The following USP20 variants were observed in gnomAD, a reference collection of about 807,000 sequenced individuals.
The protein encoded by USP20 is ubiquitin specific peptidase 20, also known as ubiquitin carboxyl-terminal hydrolase 20.
A neutral mutation model predicts 124.2 loss-of-function variants in USP20; 80 were observed. The observed-to-expected ratio is 0.64, with a 90% CI of 0.54 to 0.78. The LOEUF is 0.78. Among genes scored for constraint, USP20 ranks in the 30% least tolerant of loss-of-function variants. The pLI, the probability that USP20 is intolerant of heterozygous loss-of-function variation, is 0.00. For synonymous variants in USP20, 481 were observed against 512.3 expected (o/e 0.94, Z 0.83); for missense variants, 1,043 against 1,244.4 (o/e 0.84, Z 2.44).
At chr9:129,844,001 G>A (rs1192924462) in intron 1 of USP20, among the ~76,000 whole-genome samples, 2 of 152,084 alleles carry the variant, frequency 1.3e-5, no homozygotes, top group Admixed American at 1.3e-4. Flanking sequence ...CAGGGAGGTA[G>A]AGGCTGCAGT....
Position 129,861,623 on chromosome 9 carries a change from A to G in USP20, c.497+11A>G, listed in dbSNP as rs200664921. 4.3e-6 allele frequency: 7 copies of G among 1,613,882 alleles called. No individual in the cohort carries two copies. The highest frequency in any genetic ancestry group is 5.9e-6 in the Non-Finnish European group (7 of 1,179,856). On this transcript the variant is annotated intron_variant, in intron 8 of 25. Transcript: ENST00000372429. ...GGCCCTGTCCAATTGGTAGGTCGAC[A>G]CTTTGTCCGAGGGCCGAGAGCTGTC...
At chr9:129,836,741 A>G (rs996836232) in intron 1 of USP20, among the ~76,000 whole-genome samples, 2 of 152,198 alleles carry the variant, frequency 1.3e-5, no homozygotes, top group African/African-American at 4.8e-5. Context: ...TCTTTGGTCA[A>G]AAGCCATATA....
At chr9:129,861,701 C>T in intron 8 of USP20, 89 bp downstream of exon 8, 2 of 1,229,832 alleles carry the variant, frequency 1.6e-6, no homozygotes, top group East Asian at 2.4e-5. Flanking sequence ...CGGTTGCCCA[C>T]AAACACATGT....
intron 10 of USP20, among the ~76,000 whole-genome samples, chr9:129,867,605 C>G (rs1315366391): frequency 1.3e-5 from 2 of 152,156 alleles, no homozygotes; most frequent in Non-Finnish European, 2.9e-5. Flanking sequence ...CACCCCCCTG[C>G]CCACCTCCAC....
chr9:129,847,534 C>G (rs2032652343), intron 1 of USP20, among the ~76,000 whole-genome samples: 1 of 152,098 alleles, frequency 6.6e-6, no homozygotes, highest in Non-Finnish European at 1.5e-5. Flanking sequence ...AACTCCTGAT[C>G]TCATGATCCG....
chr9:129,853,583 G>A (rs1435229896), intron 3 of USP20, among the ~76,000 whole-genome samples: 2 of 152,248 alleles, frequency 1.3e-5, no homozygotes, highest in African/African-American at 4.8e-5. Flanking sequence ...TGGCCTCGCT[G>A]CACCAGCAGG....
At chr9:129,846,241 ATATATATTTTTTTTTT>A (rs1195532812) in intron 1 of USP20, among the ~76,000 whole-genome samples, 14 of 26,504 alleles carry the variant, frequency 5.3e-4, no homozygotes, top group Admixed American at 1.9e-3. Context: ...ATATATATAT[ATATATATTTTTTTTTT>A]TTTTTTTTTT....
At chr9:129,846,241 ATATATATTTTT>A (rs1184831889) in intron 1 of USP20, among the ~76,000 whole-genome samples, 5 of 26,504 alleles carry the variant, frequency 1.9e-4, no homozygotes, top group East Asian at 8.4e-4. Flanking sequence ...ATATATATAT[ATATATATTTTT>A]TTTTTTTTTT....
At chr9:129,857,630 C>T (rs2033283030) in intron 4 of USP20, among the ~76,000 whole-genome samples, 1 of 152,182 alleles carries the variant, frequency 6.6e-6, no homozygotes, top group African/African-American at 2.4e-5. Context: ...CACCTGGTCC[C>T]CATTCATCAT....
intron 3 of USP20, 54 bp from the exon 4 acceptor site, chr9:129,856,253 C>T (rs2033209700): frequency 6.4e-7 from 1 of 1,571,606 alleles, no homozygotes; most frequent in Non-Finnish European, 8.8e-7. Flanking sequence ...CAGTGCTCAG[C>T]CCCGCAACGG....
intron 17 of USP20, 71 bp downstream of exon 17, chr9:129,873,815 G>C: frequency 1.3e-6 from 2 of 1,557,280 alleles, no homozygotes; most frequent in South Asian, 1.1e-5. Context: ...CCAGGCAGGG[G>C]CTGAGCCTGC....
intron 8 of USP20, 23 bp from the exon 9 acceptor site, chr9:129,863,163 G>C: frequency 6.7e-7 from 1 of 1,502,870 alleles, no homozygotes; most frequent in Non-Finnish European, 9.0e-7. Context: ...CTCCTGACCT[G>C]GCTCTCTCTC....
chr9:129,873,159 C>T (rs1294958050), intron 15 of USP20, among the ~76,000 whole-genome samples: 1 of 134,894 alleles, frequency 7.4e-6, no homozygotes, highest in Non-Finnish European at 1.5e-5. Context: ...TCACTGCAGC[C>T]TCTGCCCCGA....
Position 129,856,277 on chromosome 9 carries a change from G to GCTCTTTTT in USP20, c.82-25_82-18dup, listed in dbSNP as rs777950807. On this transcript the variant is annotated intron_variant, in intron 3 of 25. Coordinates refer to ENST00000372429, the MANE Select transcript of USP20 (RefSeq NM_001110303.4). Reference sequence around the variant, plus strand: ...GCCCCGCAACGGGCTCCTCATGCCTGCTCTTTTTCTCTCCTCTCAACTCAC... The same window carrying GCTCTTTTT: ...GCCCCGCAACGGGCTCCTCATGCCTGCTCTTTTTCTCTTTTTCTCTCCTCTCAACTCAC... 1.9e-6 allele frequency: 3 copies of GCTCTTTTT among 1,611,862 alleles called. No individual in the cohort carries two copies. In the African/African-American group the frequency reaches 4.0e-5, roughly 21 times the overall value.
At chr9:129,846,315 G>C (rs2131039853) in intron 1 of USP20, among the ~76,000 whole-genome samples, 1 of 133,446 alleles carries the variant, frequency 7.5e-6, no homozygotes, top group African/African-American at 2.9e-5. Flanking sequence ...GAATGCAGTG[G>C]TGCCATCATA....
chr9:129,869,303 TC>T lies in USP20; in HGVS notation c.1277-3del. The T allele has an allele frequency of 6.2e-7, 1 of 1,611,238 alleles. No homozygotes were observed. Among genetic ancestry groups the T allele is most frequent in the Non-Finnish European group, 8.5e-7 (1 of 1,177,988 alleles). On this transcript the variant is annotated splice_polypyrimidine_tract_variant and splice_region_variant and intron_variant, in intron 12 of 25. Coordinates refer to ENST00000372429, the MANE Select transcript of USP20 (RefSeq NM_001110303.4). ...GAGGCTGGGCTAGTCCTGTGCTGTGTCCCCAGCCCAGGTATTGAGTGCTGGC... is the reference window on the plus strand; with the variant it reads ...GAGGCTGGGCTAGTCCTGTGCTGTGTCCCAGCCCAGGTATTGAGTGCTGGC...
chr9:129,858,160 G>A, intron 5 of USP20, 48 bp downstream of exon 5: 2 of 1,594,656 alleles, frequency 1.3e-6, no homozygotes, highest in South Asian at 1.1e-5. Context: ...GATGGCCTGG[G>A]GTTCAAACCC....
intron 15 of USP20, 120 bp from the exon 16 acceptor site, chr9:129,873,362 G>T (rs1000581578): frequency 7.9e-7 from 1 of 1,269,392 alleles, no homozygotes; most frequent in Non-Finnish European, 1.1e-6. Flanking sequence ...AGGATTACAC[G>T]CATGAGCCAC....
chr9:129,866,859 G>A (rs994481755), intron 10 of USP20, among the ~76,000 whole-genome samples: 7 of 152,216 alleles, frequency 4.6e-5, no homozygotes, highest in African/African-American at 1.7e-4. Context: ...TCTTGAAAGG[G>A]CCTTTGATCG....
Sources: allele counts gnomAD v4.1 joint callset (sites outside exome capture counted in the v4.1 genomes callset), GRCh38; gene constraint gnomAD v4.1.1; transcripts MANE v1.5; gene names NCBI Gene and HGNC (gene_info 2026-07-23, HGNC 2026-07-21).